ST6GALNAC3: variants seen among roughly 807,000 people sequenced by gnomAD.
ST6GALNAC3 encodes alpha-N-acetylgalactosaminide alpha-2,6-sialyltransferase 3.
Under a neutral mutation model 32.7 loss-of-function variants are expected in ST6GALNAC3, and 25 were observed. The observed-to-expected ratio is 0.76, with a 90% CI of 0.56 to 1.07. The LOEUF is 1.07. ST6GALNAC3 is among the 50% of genes least tolerant of loss of function. The pLI, the probability that ST6GALNAC3 is intolerant of heterozygous loss-of-function variation, is 0.00. For missense variants in ST6GALNAC3, 355 were observed against 382.4 expected (o/e 0.93, Z 0.60); for synonymous variants, 129 against 133.1 (o/e 0.97, Z 0.21).
At chr1:76,398,874 T>A (rs866810144) in intron 2 of ST6GALNAC3, among the ~76,000 whole-genome samples, 2 of 152,168 alleles carry the variant, frequency 1.3e-5, no homozygotes, top group African/African-American at 2.4e-5. Flanking sequence ...GCATTTTTTT[T>A]AAACACTTTA....
At chr1:76,457,440 C>T (rs1657908661) in intron 3 of ST6GALNAC3, among the ~76,000 whole-genome samples, 1 of 151,992 alleles carries the variant, frequency 6.6e-6, no homozygotes, top group Non-Finnish European at 1.5e-5. Context: ...ATCACACTAC[C>T]TGACTTCAAA....
At chr1:76,522,496 G>T (rs1662608582) in intron 3 of ST6GALNAC3, among the ~76,000 whole-genome samples, 1 of 151,642 alleles carries the variant, frequency 6.6e-6, no homozygotes, top group Admixed American at 6.6e-5. Flanking sequence ...TTCCACTTGG[G>T]TCTTTTCTAT....
intron 1 of ST6GALNAC3, among the ~76,000 whole-genome samples, chr1:76,282,773 A>G (rs1274989523): frequency 6.6e-6 from 1 of 152,062 alleles, no homozygotes; most frequent in East Asian, 1.9e-4. Flanking sequence ...TCACACTTGT[A>G]ATCCCAGCAC....
At chr1:76,513,918 A>T (rs140062896) in intron 3 of ST6GALNAC3, among the ~76,000 whole-genome samples, 1 of 152,270 alleles carries the variant, frequency 6.6e-6, no homozygotes, top group East Asian at 1.9e-4. Context: ...TTTGGAAACT[A>T]TTGTAAATGG....
rs184988780 is a variant in ST6GALNAC3, at chr1:76,323,168, A to G, written c.213+9169A>G. On this transcript the variant is annotated intron_variant, in intron 2 of 4. Coordinates refer to ENST00000328299, the MANE Select transcript of ST6GALNAC3 (RefSeq NM_152996.4). ...CAAATGATTTTAGATAAGGGATTGC[A>G]GGCCTGTGTCAAACACAGACTATAA... 3.3e-3 allele frequency among the ~76,000 whole-genome samples: 509 copies of G among 152,344 alleles called. 3 individuals are homozygous for G. The highest frequency in any genetic ancestry group is 0.012 in the African/African-American group (494 of 41,568).
chr1:76,591,108 G>T (rs184249906), intron 3 of ST6GALNAC3, among the ~76,000 whole-genome samples: 1 of 152,110 alleles, frequency 6.6e-6, no homozygotes, highest in Non-Finnish European at 1.5e-5. Context: ...GATGATAAAG[G>T]TTAGGAAAGG....
intron 1 of ST6GALNAC3, among the ~76,000 whole-genome samples, chr1:76,263,389 AT>A (rs942129054): frequency 4.2e-4 from 55 of 129,642 alleles, no homozygotes; most frequent in African/African-American, 2.4e-3. Context: ...CTTATGTAAT[AT>A]TTTTTTATAT....
intron 1 of ST6GALNAC3, among the ~76,000 whole-genome samples, chr1:76,293,418 C>T (rs897391514): frequency 6.6e-6 from 1 of 152,174 alleles, no homozygotes; most frequent in South Asian, 2.1e-4. Flanking sequence ...TACAAATTCT[C>T]ATATGGCATT....
At chr1:76,259,155 T>C (rs1658087572) in intron 1 of ST6GALNAC3, among the ~76,000 whole-genome samples, 1 of 152,056 alleles carries the variant, frequency 6.6e-6, no homozygotes, top group African/African-American at 2.4e-5. Context: ...TTTTAGGAGA[T>C]GAAAAAATTA....
intron 3 of ST6GALNAC3, among the ~76,000 whole-genome samples, chr1:76,505,570 T>C (rs74089986): frequency 0.069 from 10,518 of 152,214 alleles, 1,224 homozygotes; most frequent in African/African-American, 0.24. Context: ...CTAGACAGGG[T>C]CCAGAATGGC....
intron 3 of ST6GALNAC3, among the ~76,000 whole-genome samples, chr1:76,623,324 A>G (rs1433274215): frequency 2.0e-5 from 3 of 151,926 alleles, no homozygotes. Flanking sequence ...GGTAAAATCA[A>G]AGGATTGATG....
At chr1:76,466,735 CTT>C (rs976515470) in intron 3 of ST6GALNAC3, among the ~76,000 whole-genome samples, 2 of 151,968 alleles carry the variant, frequency 1.3e-5, no homozygotes, top group African/African-American at 4.8e-5. Context: ...AATGGAGACT[CTT>C]AGTCAATTTT....
At chr1:76,175,919 A>G (rs1246954934) in intron 1 of ST6GALNAC3, among the ~76,000 whole-genome samples, 1 of 152,062 alleles carries the variant, frequency 6.6e-6, no homozygotes, top group Non-Finnish European at 1.5e-5. Flanking sequence ...GGGGACACAA[A>G]CCTATTGGTC....
At chr1:76,519,629 T>C (rs1453205671) in intron 3 of ST6GALNAC3, among the ~76,000 whole-genome samples, 1 of 152,184 alleles carries the variant, frequency 6.6e-6, no homozygotes, top group African/African-American at 2.4e-5. Context: ...TTAATCTTTG[T>C]GGATATGCAG....
intron 3 of ST6GALNAC3, among the ~76,000 whole-genome samples, chr1:76,538,535 G>C (rs918822929): frequency 1.3e-5 from 2 of 152,176 alleles, no homozygotes; most frequent in Non-Finnish European, 2.9e-5. Flanking sequence ...TCAGGCAACA[G>C]AAGGAAATAA....
intron 2 of ST6GALNAC3, among the ~76,000 whole-genome samples, chr1:76,376,675 C>T (rs890628290): frequency 3.3e-5 from 5 of 152,098 alleles, no homozygotes; most frequent in African/African-American, 1.2e-4. Flanking sequence ...TGTTTTTATC[C>T]ACTCTGCACT....
intron 3 of ST6GALNAC3, among the ~76,000 whole-genome samples, chr1:76,575,159 G>A (rs1187629022): frequency 6.6e-6 from 1 of 152,106 alleles, no homozygotes; most frequent in Non-Finnish European, 1.5e-5. Context: ...ACCTTTATAT[G>A]CAGAGGAAAT....
intron 1 of ST6GALNAC3, among the ~76,000 whole-genome samples, chr1:76,162,556 T>C (rs1463976697): frequency 6.6e-6 from 1 of 152,190 alleles, no homozygotes; most frequent in East Asian, 1.9e-4. Flanking sequence ...GTACTGACCT[T>C]ACAGTGTTGT....
chr1:76,149,714 T>G (rs1570200821), intron 1 of ST6GALNAC3, among the ~76,000 whole-genome samples: 1 of 152,194 alleles, frequency 6.6e-6, no homozygotes, highest in East Asian at 1.9e-4. Flanking sequence ...TTCATATTTC[T>G]GTATTCATTC....
Sources: gnomAD v4.1 joint callset for allele counts (sites outside exome capture counted in the v4.1 genomes callset) on GRCh38, gnomAD v4.1.1 for gene constraint, MANE v1.5 for transcripts, NCBI Gene and HGNC (gene_info 2026-07-23, HGNC 2026-07-21) for gene names.